Variants in MYH9 observed in about 807,000 individuals in gnomAD.
MYH9 encodes the protein myosin-9.
MYH9 carries 29 observed loss-of-function variants against 241.9 expected under a neutral mutation model. The observed-to-expected ratio is 0.12, with a 90% CI of 0.09 to 0.16. The LOEUF is 0.16. MYH9 is among the 10% of genes least tolerant of loss of function. The pLI is 1.00. For missense variants in MYH9, 1,803 were observed against 2,595.5 expected (o/e 0.69, Z 6.63); for synonymous variants, 1,047 against 1,062.6 (o/e 0.99, Z 0.29).
intron 1 of MYH9, among the ~76,000 whole-genome samples, chr22:36,377,183 C>T (rs1449813109): frequency 2.6e-5 from 4 of 152,122 alleles, no homozygotes; most frequent in South Asian, 2.1e-4. Flanking sequence ...AAGAAGACCC[C>T]GCCTTTGACC....
At chr22:36,317,343 A>G (rs945965185) in intron 11 of MYH9, among the ~76,000 whole-genome samples, 1 of 152,060 alleles carries the variant, frequency 6.6e-6, no homozygotes, top group African/African-American at 2.4e-5. Flanking sequence ...AGAGCTGCCC[A>G]ATGATATTCA....
At chr22:36,303,024 G>A (rs1239075398) in intron 19 of MYH9, among the ~76,000 whole-genome samples, 1 of 152,190 alleles carries the variant, frequency 6.6e-6, no homozygotes, top group Non-Finnish European at 1.5e-5. Flanking sequence ...GGCCCTGGGT[G>A]ACTCTGGACT....
chr22:36,332,237 T>A (rs1845939163), intron 3 of MYH9, among the ~76,000 whole-genome samples: 1 of 152,198 alleles, frequency 6.6e-6, no homozygotes, highest in Admixed American at 6.5e-5. Flanking sequence ...CACAGCCAGC[T>A]CAATTCACAA....
At position 36,295,695 on chromosome 22, in the gene MYH9, T is replaced by C; in HGVS notation, c.3295A>G (p.Lys1099Glu). Reference sequence around the variant, plus strand: ...CGGATCTTCTTGAGGGCCATGTTCTTCTGGGCAGCTTCCTCTTCCACTCTG... The same window carrying C: ...CGGATCTTCTTGAGGGCCATGTTCTCCTGGGCAGCTTCCTCTTCCACTCTG... ...LARVEEEAAQ[K>E]NMALKKIREL... The change falls in exon 26 of 41, where the codon AAG becomes GAG. Residue 1099 changes from lysine (K) to glutamate (E), a missense_variant. This residue lies in a region of MYH9 where 290 missense variants were observed against 360.5 expected (regional missense o/e 0.80). Coordinates refer to ENST00000216181, the MANE Select transcript of MYH9 (RefSeq NM_002473.6). The surrounding 1 kb of genome is among the most constrained non-coding windows in gnomAD (Gnocchi z 4.1). 1.2e-6 allele frequency: 2 copies of C among 1,613,502 alleles called. No individual in the cohort carries two copies.
intron 24 of MYH9, among the ~76,000 whole-genome samples, chr22:36,298,632 C>G (rs922520006): frequency 6.6e-6 from 1 of 152,210 alleles, no homozygotes; most frequent in South Asian, 2.1e-4. Context: ...AAACCCACGG[C>G]ACACAACAGA....
Position 36,306,113 on chromosome 22 carries a change from C to G in MYH9, c.2038-62G>C. On this transcript the variant is annotated intron_variant, in intron 16 of 40. Transcript: ENST00000216181. The surrounding 1 kb of genome is among the most constrained non-coding windows in gnomAD (Gnocchi z 4.1). Reference sequence around the variant, plus strand: ...GTGCCTAGAACAGTCGGAGAATAGTCAGGGAACCCCTATGAACCTGACAGG... The same window carrying G: ...GTGCCTAGAACAGTCGGAGAATAGTGAGGGAACCCCTATGAACCTGACAGG... The G allele has an allele frequency of 3.1e-6, 5 of 1,606,608 alleles. No individual in the cohort carries two copies. In the South Asian group the frequency reaches 5.5e-5, roughly 18 times the overall value.
At position 36,303,985 on chromosome 22, in the gene MYH9, C is replaced by T. The variant is rs771416106; in HGVS notation, c.2390+10G>A. On this transcript the variant is annotated intron_variant, in intron 19 of 40. Coordinates refer to ENST00000216181, the MANE Select transcript of MYH9 (RefSeq NM_002473.6). ...TGGCATGCGGGGCAGGAGTATCTCC[C>T]GGGACTCACTTCCTGGCCAGGTAGC... is the stretch of plus-strand genomic sequence containing the variant. 15 of 1,613,178 alleles carry T rather than the reference C, an allele frequency of 9.3e-6. No individual in the cohort carries two copies. Among genetic ancestry groups the T allele is most frequent in the South Asian group, 3.3e-5 (3 of 91,072 alleles).
At chr22:36,366,374 C>T (rs1395162850) in intron 1 of MYH9, among the ~76,000 whole-genome samples, 1 of 151,962 alleles carries the variant, frequency 6.6e-6, no homozygotes, top group African/African-American at 2.4e-5. Context: ...CAAAGGGAAA[C>T]TCAGTGAGAG....
At chr22:36,333,916 TGTGA>T (rs1194067493) in intron 3 of MYH9, among the ~76,000 whole-genome samples, 2 of 152,122 alleles carry the variant, frequency 1.3e-5, no homozygotes, top group Non-Finnish European at 2.9e-5. Flanking sequence ...AGGGATTTGA[TGTGA>T]GTTTTTGTTG....
chr22:36,301,531 C>T lies in MYH9; in HGVS notation c.2631+3G>A, dbSNP rs2016877316. Reference sequence around the variant, plus strand: ...CCTGGACTGAGCCTGCACTGACACCCACCTGAGACTGCAGCGTCTCCATCT... The same window carrying T: ...CCTGGACTGAGCCTGCACTGACACCTACCTGAGACTGCAGCGTCTCCATCT... On this transcript the variant is annotated splice_donor_region_variant and intron_variant, in intron 21 of 40. Transcript: ENST00000216181. The T allele has an allele frequency of 6.2e-7, 1 of 1,613,162 alleles. No homozygotes were observed. The highest frequency in any genetic ancestry group is 1.3e-5 in the African/African-American group (1 of 74,924).
intron 1 of MYH9, among the ~76,000 whole-genome samples, chr22:36,376,424 A>AGCAT (rs2018168075): frequency 6.6e-6 from 1 of 152,010 alleles, no homozygotes; most frequent in African/African-American, 2.4e-5. Context: ...GACTCAGGGT[A>AGCAT]GCATGGGCTT....
chr22:36,347,713 C>G (rs1669533472), intron 2 of MYH9, among the ~76,000 whole-genome samples: 1 of 147,948 alleles, frequency 6.8e-6, no homozygotes, highest in Non-Finnish European at 1.5e-5. Context: ...CCAGTCTGGG[C>G]AACAGAGCTA....
chr22:36,301,434 T>C lies in MYH9; in HGVS notation c.2631+100A>G, dbSNP rs1440075488. 19 of 1,511,478 alleles carry C rather than the reference T, an allele frequency of 1.3e-5. No homozygotes were observed. The Admixed American group carries it at 2.0e-4, about 16-fold the overall frequency. 93.6% of individuals were successfully genotyped at this position (1,511,478 alleles called of 1,614,324 possible). On this transcript the variant is annotated intron_variant, in intron 21 of 40. Transcript: ENST00000216181. The stretch of plus-strand genomic sequence containing the variant: ...GAAACTCAGTTGTAGAAAACTCCTA[T>C]AGTAATAGAAACTTCCAGCATGCCG...
chr22:36,322,095 T>C (rs2017262840), intron 6 of MYH9, among the ~76,000 whole-genome samples: 1 of 152,236 alleles, frequency 6.6e-6, no homozygotes, highest in South Asian at 2.1e-4. Context: ...AGACCAGTTA[T>C]GTGGAAGTGT....
At chr22:36,317,892 C>T (rs2050607505) in intron 11 of MYH9, among the ~76,000 whole-genome samples, 1 of 152,250 alleles carries the variant, frequency 6.6e-6, no homozygotes, top group Non-Finnish European at 1.5e-5. Flanking sequence ...CAAGTTCCTG[C>T]TTTTATACCA....
At chr22:36,373,385 G>C (rs1015043792) in intron 1 of MYH9, among the ~76,000 whole-genome samples, 5 of 152,204 alleles carry the variant, frequency 3.3e-5, no homozygotes, top group Admixed American at 2.6e-4. Flanking sequence ...CCTCCCAGTG[G>C]GTTTTCTGGC....
chr22:36,353,209 T>C (rs1231653986), intron 1 of MYH9, among the ~76,000 whole-genome samples: 1 of 152,108 alleles, frequency 6.6e-6, no homozygotes, highest in Non-Finnish European at 1.5e-5. Flanking sequence ...CTATAATCCA[T>C]ATGCCTCATT....
At chr22:36,324,732 C>A (rs777241420) in intron 5 of MYH9, among the ~76,000 whole-genome samples, 5 of 152,250 alleles carry the variant, frequency 3.3e-5, no homozygotes, top group Admixed American at 2.0e-4. Context: ...TGGTCTTTCA[C>A]GCTGACAGCC....
rs1381074543 is a variant in MYH9 at position 36,305,995 on chromosome 22, G to A, written c.2094C>T (p.Leu698=). ...VLDQLRCNGV[L]EGIRICRQGF... ...CCTGGCGGCAGATACGGATGCCCTC[G>A]AGAACACCGTTGCAGCGCAGCTGGT... The change falls in exon 17 of 41, where the codon CTC becomes CTT. Residue 698 remains leucine (L), a synonymous_variant. Transcript: ENST00000216181. This position sits in a 1 kb window ranked among gnomAD's most constrained non-coding sequence, Gnocchi z 4.7. 1.3e-5 allele frequency: 21 copies of A among 1,613,276 alleles called. No individual in the cohort carries two copies. The highest frequency in any genetic ancestry group is 4.5e-5 in the East Asian group (2 of 44,898).
Sources: allele counts gnomAD v4.1 joint callset (sites outside exome capture counted in the v4.1 genomes callset), GRCh38; gene constraint gnomAD v4.1.1; regional missense constraint gnomAD v4.1.1; non-coding constraint Gnocchi (gnomAD v3.1); transcripts MANE v1.5; gene names NCBI Gene and HGNC (gene_info 2026-07-23, HGNC 2026-07-21).